Variants in AASS observed in about 807,000 individuals in gnomAD.
AASS encodes the protein aminoadipate-semialdehyde synthase.
A neutral mutation model predicts 105.4 loss-of-function variants in AASS; 86 were observed. The ratio of observed to expected loss-of-function variants is 0.82; its 90% CI spans 0.69 to 0.98. AASS has a LOEUF of 0.98. AASS is among the 50% of genes least tolerant of loss of function. The probability of loss-of-function intolerance (pLI) is 0.00; values close to 1 mark genes in which losing one functional copy is unlikely to be tolerated. For missense variants in AASS, 1,048 were observed against 1,143.2 expected (o/e 0.92, Z 1.20); for synonymous variants, 381 against 394.8 (o/e 0.96, Z 0.41).
intron 15 of AASS, among the ~76,000 whole-genome samples, chr7:122,094,607 T>C (rs139747903): frequency 1.3e-5 from 2 of 152,302 alleles, no homozygotes; most frequent in Non-Finnish European, 2.9e-5. Context: ...TACAATAGAC[T>C]ATGGATATAC....
rs1228159187 is a variant in AASS, at chr7:122,073,561, T to G, written c.*2928A>C. Among the ~76,000 whole-genome samples, 1 of 152,224 alleles carries G rather than the reference T, an allele frequency of 6.6e-6. No individual in the cohort carries two copies. The highest frequency in any genetic ancestry group is 6.5e-5 in the Admixed American group (1 of 15,278). On this transcript the variant is annotated 3_prime_UTR_variant, in exon 24 of 24. Transcript: ENST00000417368. The stretch of plus-strand genomic sequence containing the variant: ...CAAACAAATTGCATTTGTAATTTAA[T>G]TTTTTATAACAACTTGAGATAAAAT...
At chr7:122,083,024 C>G (rs565013411) in intron 19 of AASS, 2 of 429,602 alleles carry the variant, frequency 4.7e-6, no homozygotes, top group African/African-American at 4.4e-5. Context: ...TTTATCTTAT[C>G]TGCAATTACT....
At chr7:122,103,409 C>T (rs28764931) in intron 11 of AASS, among the ~76,000 whole-genome samples, 20,922 of 151,776 alleles carry the variant, frequency 0.14, 1,663 homozygotes, top group East Asian at 0.24. Flanking sequence ...CCCAGACAAG[C>T]AAAAGTTTAG....
At chr7:122,077,782 C>G in intron 23 of AASS, 56 bp downstream of exon 23, 1 of 1,602,204 alleles carries the variant, frequency 6.2e-7, no homozygotes, top group East Asian at 2.2e-5. Context: ...GTCCAGGCAC[C>G]AAATGGCTTG....
intron 4 of AASS, among the ~76,000 whole-genome samples, chr7:122,124,124 C>T (rs1795550506): frequency 6.6e-6 from 1 of 152,174 alleles, no homozygotes; most frequent in South Asian, 2.1e-4. Context: ...TTATTTTCCC[C>T]CTCTTCACTT....
At chr7:122,131,715 C>T (rs1448973401) in intron 2 of AASS, among the ~76,000 whole-genome samples, 2 of 151,916 alleles carry the variant, frequency 1.3e-5, no homozygotes, top group East Asian at 3.9e-4. Flanking sequence ...AATAAACATG[C>T]TTAACATCAG....
rs747990881 is a variant in AASS, at chr7:122,098,464, C to T, written c.1641G>A (p.Gln547=). 2.5e-6 allele frequency: 4 copies of T among 1,611,978 alleles called. No homozygotes were observed. Among genetic ancestry groups the T allele is most frequent in the South Asian group, 1.1e-5 (1 of 91,008 alleles). ...EEKLGFLVAK[Q]DLVISLLPYV... ...CAGATACTGACCTGATGACAAGATC[C>T]TGTTTTGCCACCAAGAAGCCCAGCT... Residue 547 remains glutamine (Q), a synonymous_variant, in exon 15 of 24, where the codon CAG becomes CAA. Coordinates refer to ENST00000417368, the MANE Select transcript of AASS (RefSeq NM_005763.4).
At chr7:122,079,746 C>G (rs1220809223) in intron 20 of AASS, 34 bp from the exon 21 acceptor site, 2 of 1,522,996 alleles carry the variant, frequency 1.3e-6, no homozygotes, top group South Asian at 1.1e-5. Flanking sequence ...ATTTCTAAGT[C>G]CCTAACAAAT....
chr7:122,105,951 G>T (rs1331962068), intron 11 of AASS, among the ~76,000 whole-genome samples: 2 of 151,936 alleles, frequency 1.3e-5, no homozygotes, highest in African/African-American at 4.8e-5. Flanking sequence ...GTTTGAAAAG[G>T]TAAACAAAAT....
rs1355537036 is a variant in AASS, at chr7:122,144,191, C to T, written c.-46G>A. On this transcript the variant is annotated 5_prime_UTR_variant, in exon 1 of 24. Coordinates refer to ENST00000417368, the MANE Select transcript of AASS (RefSeq NM_005763.4). ...CCGCTCTGGGGCGCCGACTTGTCCC[C>T]CGCCGCCTCGAATCTTCCGAGTCGC... is the stretch of plus-strand genomic sequence containing the variant. 6.6e-6 allele frequency: 1 copy of T among 152,428 alleles called. No individual in the cohort carries two copies. Among genetic ancestry groups the T allele is most frequent in the Non-Finnish European group, 1.5e-5 (1 of 68,210 alleles). 9.4% of individuals were successfully genotyped at this position (152,428 alleles called of 1,614,324 possible).
chr7:122,122,857 G>A (rs1375305074), intron 4 of AASS, among the ~76,000 whole-genome samples: 3 of 152,086 alleles, frequency 2.0e-5, no homozygotes, highest in East Asian at 1.9e-4. Context: ...CATTTAAAAC[G>A]TGAACATACT....
chr7:122,093,068 T>G lies in AASS; in HGVS notation c.1746A>C (p.Ala582=), dbSNP rs545156701. 1 of 1,613,964 alleles carries G rather than the reference T, an allele frequency of 6.2e-7. No individual in the cohort carries two copies. The highest frequency in any genetic ancestry group is 1.1e-5 in the South Asian group (1 of 91,090). The change falls in exon 16 of 24, where the codon GCA becomes GCC. Residue 582 remains alanine (A), a synonymous_variant. Coordinates refer to ENST00000417368, the MANE Select transcript of AASS (RefSeq NM_005763.4). ...NMVTASYITP[A]LKELEKSVED... is the part of the protein sequence containing the mutation. ...CTTACCTCTTTTCCAATTCTTTTAGTGCTGGTGTGATGTAGCTTGCAGTGA... is the reference window on the plus strand; with the variant it reads ...CTTACCTCTTTTCCAATTCTTTTAGGGCTGGTGTGATGTAGCTTGCAGTGA...
chr7:122,088,849 T>C (rs1562909106), intron 18 of AASS, among the ~76,000 whole-genome samples: 2 of 151,992 alleles, frequency 1.3e-5, no homozygotes. Context: ...TGTAAAAAAG[T>C]ACACCACCAC....
rs1792974129 is a variant in AASS at position 122,075,795 on chromosome 7, CAA to C, written c.*692_*693del. 6.6e-6 allele frequency: 1 copy of C among 151,882 alleles called. No homozygotes were observed. Among genetic ancestry groups the C allele is most frequent in the Non-Finnish European group, 1.5e-5 (1 of 67,976 alleles). 9.4% of individuals were successfully genotyped at this position (151,882 alleles called of 1,614,324 possible). On this transcript the variant is annotated 3_prime_UTR_variant, in exon 24 of 24. Transcript: ENST00000417368. ...ATTTACAAAATAAATCATAACTTTACAAAAAGGGCATAAAATAGCATTTTGGC... is the reference window on the plus strand; with the variant it reads ...ATTTACAAAATAAATCATAACTTTACAAAGGGCATAAAATAGCATTTTGGC...
At chr7:122,135,459 G>A (rs1246673958) in intron 1 of AASS, among the ~76,000 whole-genome samples, 1 of 152,068 alleles carries the variant, frequency 6.6e-6, no homozygotes, top group Non-Finnish European at 1.5e-5. Context: ...GCCGTCTGCT[G>A]TTGTATTAAA....
intron 18 of AASS, among the ~76,000 whole-genome samples, chr7:122,088,470 T>TGACTGCAATGTCTGTGTTCCTTC (rs1793738733): frequency 6.6e-6 from 1 of 152,154 alleles, no homozygotes; most frequent in Non-Finnish European, 1.5e-5. Context: ...CAGTTCTATT[T>TGACTGCAATGTCTGTGTTCCTTC]GACTGCAATG....
chr7:122,077,740 G>A (rs769437600), intron 23 of AASS, 98 bp downstream of exon 23: 43 of 1,445,598 alleles, frequency 3.0e-5, no homozygotes, highest in Non-Finnish European at 3.7e-5. Flanking sequence ...TTTAGTAAAT[G>A]CCTGTGTTAC....
chr7:122,111,063 G>T (rs1369569980), intron 11 of AASS, among the ~76,000 whole-genome samples: 4 of 152,078 alleles, frequency 2.6e-5, no homozygotes, highest in Non-Finnish European at 5.9e-5. Flanking sequence ...GAATTATTCA[G>T]TCTATGAAAA....
chr7:122,096,560 G>A (rs1430996425), intron 15 of AASS, among the ~76,000 whole-genome samples: 2 of 151,886 alleles, frequency 1.3e-5, no homozygotes, highest in African/African-American at 4.8e-5. Flanking sequence ...TCTGGGAGGT[G>A]AAGGTTGCAG....
Sources: gnomAD v4.1 joint callset for allele counts (sites outside exome capture counted in the v4.1 genomes callset) on GRCh38, gnomAD v4.1.1 for gene constraint, MANE v1.5 for transcripts, NCBI Gene and HGNC (gene_info 2026-07-23, HGNC 2026-07-21) for gene names.